Variants in TRPA1 observed in about 807,000 individuals in gnomAD.
TRPA1 encodes ankyrin-like with transmembrane domains 1.
A neutral mutation model predicts 131.3 loss-of-function variants in TRPA1; 129 were observed. The ratio of observed to expected loss-of-function variants is 0.98; its 90% confidence interval spans 0.85 to 1.14. The LOEUF is 1.14. Among genes scored for constraint, TRPA1 ranks in the 50% most tolerant of loss-of-function variants. TRPA1 has a pLI of 0.00. For synonymous variants in TRPA1, 441 were observed against 451.7 expected (o/e 0.98, Z 0.30); for missense variants, 1,304 against 1,354.2 (o/e 0.96, Z 0.58).
chr8:72,057,879 A>G, intron 8 of TRPA1, 63 bp from the exon 9 acceptor site: 1 of 1,194,664 alleles, frequency 8.4e-7, no homozygotes, highest in Non-Finnish European at 1.2e-6. Flanking sequence ...ATATATTGTA[A>G]TCTCTAACTA....
chr8:72,043,275 T>C (rs1812318631), intron 17 of TRPA1, among the ~76,000 whole-genome samples: 1 of 151,800 alleles, frequency 6.6e-6, no homozygotes. Context: ...AACTCAAACG[T>C]AGTTATAGAA....
intron 15 of TRPA1, among the ~76,000 whole-genome samples, chr8:72,050,539 C>T (rs1562054): frequency 0.63 from 95,698 of 152,034 alleles, 30,404 homozygotes; most frequent in Admixed American, 0.74. Context: ...GTCTCTGTTA[C>T]AGGTGTAGAT....
chr8:72,036,425 A>G lies in TRPA1; in HGVS notation c.2418T>C (p.Val806=). 1 of 1,614,042 alleles carries G rather than the reference A, an allele frequency of 6.2e-7. No individual in the cohort carries two copies. The highest frequency in any genetic ancestry group is 8.5e-7 in the Non-Finnish European group (1 of 1,179,962). The change falls in exon 21 of 27, where the codon GTT becomes GTC. Residue 806 remains valine, a synonymous_variant. Transcript: ENST00000262209. Reference sequence around the variant, plus strand: ...CCGTCGTGTAGATAATCCATTCAAGAACATTGCTTATATCCATAAAATAAT... The same window carrying G: ...CCGTCGTGTAGATAATCCATTCAAGGACATTGCTTATATCCATAAAATAAT... ...KRNYFMDISN[V]LEWIIYTTGI...
At chr8:72,084,433 G>C in the TRPA1 span, among the ~76,000 whole-genome samples, 1 of 144,978 alleles carries the variant, frequency 6.9e-6, no homozygotes, top group Non-Finnish European at 1.5e-5. Context: ...ATTTCTTAGA[G>C]ATTTGATTTT....
chr8:72,038,932 C>A lies in TRPA1; in HGVS notation c.2228G>T (p.Gly743Val). The change falls in exon 19 of 27, where the codon GGA becomes GTA. Residue 743 changes from glycine to valine, a missense_variant. Gly to Val is a moderately radical substitution (Grantham distance 109). Coordinates refer to ENST00000262209, the MANE Select transcript of TRPA1 (RefSeq NM_007332.3). ...MTILVVNIKPGMAFNSTGIIN... is the reference protein window; with the variant it reads ...MTILVVNIKPVMAFNSTGIIN... ...GATGCCAGTTGAGTTGAAAGCCATTCCTGGTTTTATATTGACAACGAGAAT... is the reference window on the plus strand; with the variant it reads ...GATGCCAGTTGAGTTGAAAGCCATTACTGGTTTTATATTGACAACGAGAAT... 2 of 1,612,884 alleles carry A rather than the reference C, an allele frequency of 1.2e-6. No individual in the cohort carries two copies. Among genetic ancestry groups the A allele is most frequent in the Non-Finnish European group, 1.7e-6 (2 of 1,179,366 alleles).
rs556410970 is a variant in TRPA1, at chr8:72,037,955, C to A, written c.2385+28G>T. 1.5e-5 allele frequency: 20 copies of A among 1,352,762 alleles called. No homozygotes were observed. The South Asian group carries it at 2.1e-4, about 14-fold the overall frequency. 83.8% of individuals were successfully genotyped at this position (1,352,762 alleles called of 1,614,324 possible). A position where few individuals can be genotyped will look rare whatever the true frequency, so the allele number is the denominator to read the frequency against. ...GTTCTGCATATGAAAATATGTGCAA[C>A]TTTAGAGATACAAAATGTATTACAT... On this transcript the variant is annotated intron_variant, in intron 20 of 26. Coordinates refer to ENST00000262209, the MANE Select transcript of TRPA1 (RefSeq NM_007332.3).
chr8:72,070,478 GA>G (rs946904282), intron 2 of TRPA1, among the ~76,000 whole-genome samples: 3 of 152,098 alleles, frequency 2.0e-5, no homozygotes, highest in African/African-American at 7.2e-5. Context: ...TAAATAACTT[GA>G]ATTTGGCTTT....
chr8:72,046,662 TC>T, intron 16 of TRPA1, 54 bp from the exon 17 acceptor site: 1 of 902,182 alleles, frequency 1.1e-6, no homozygotes. Context: ...AAGTATAGAA[TC>T]CCCAAAGTAA....
At position 72,053,749 on chromosome 8, in the gene TRPA1, A is replaced by G. The variant is rs751040116; in HGVS notation, c.1644+4T>C. On this transcript the variant is annotated splice_donor_region_variant and intron_variant, in intron 13 of 26. Coordinates refer to ENST00000262209, the MANE Select transcript of TRPA1 (RefSeq NM_007332.3). ...TGGGTAAGCATGAGGACCGCAGTAC[A>G]TACCCCGTCTTCATCCAGGCGATCT... 1 of 1,608,070 alleles carries G rather than the reference A, an allele frequency of 6.2e-7. No homozygotes were observed.
intron 13 of TRPA1, chr8:72,053,548 C>T: frequency 1.7e-6 from 1 of 590,068 alleles, no homozygotes; most frequent in Non-Finnish European, 3.1e-6. Context: ...GGAGGTTTCC[C>T]CAACATTCAC....
intron 13 of TRPA1, 200 bp from the exon 14 acceptor site, chr8:72,052,965 C>CTGTGTGTGTGTGTGTGTTTG: frequency 3.1e-6 from 1 of 318,742 alleles, no homozygotes; most frequent in South Asian, 2.6e-5. Context: ...GGAAGTGGAT[C>CTGTGTGTGTGTGTGTGTTTG]TGTGTGTGTG....
Position 72,056,933 on chromosome 8 carries a change from C to T in TRPA1, c.1178G>A (p.Arg393Gln), listed in dbSNP as rs759879377. 17 of 1,607,820 alleles carry T rather than the reference C, an allele frequency of 1.1e-5. No homozygotes were observed. The highest frequency in any genetic ancestry group is 3.3e-5 in the Admixed American group (2 of 59,816). The change falls in exon 10 of 27, where the codon CGA becomes CAA. Residue 393 changes from arginine (R) to glutamine (Q), a missense_variant. Transcript: ENST00000262209. ...VQQPYGLKNLRPEFMQMQQIK... is the reference protein window; with the variant it reads ...VQQPYGLKNLQPEFMQMQQIK... ...ATACATTACCTGCATAAATTCAGGTCGCAGATTTTTTAATCCATAAGGTTG... is the reference window on the plus strand; with the variant it reads ...ATACATTACCTGCATAAATTCAGGTTGCAGATTTTTTAATCCATAAGGTTG...
At chr8:72,049,947 TA>T (rs1805455320) in intron 15 of TRPA1, among the ~76,000 whole-genome samples, 2 of 148,064 alleles carry the variant, frequency 1.4e-5, no homozygotes, top group Admixed American at 6.8e-5. Flanking sequence ...TTTTTTTTTT[TA>T]ATTTTTATTT....
intron 18 of TRPA1, 47 bp downstream of exon 18, chr8:72,039,680 G>T: frequency 8.6e-7 from 1 of 1,167,442 alleles, no homozygotes. Flanking sequence ...CTTTGTAATA[G>T]ATCCAATAGA....
chr8:72,030,676 G>A (rs529501372), intron 23 of TRPA1, among the ~76,000 whole-genome samples: 1 of 152,198 alleles, frequency 6.6e-6, no homozygotes, highest in African/African-American at 2.4e-5. Flanking sequence ...ACAACATGGT[G>A]GGAAACTCCA....
chr8:72,069,464 T>C (rs1471380058), intron 2 of TRPA1, among the ~76,000 whole-genome samples: 2 of 152,224 alleles, frequency 1.3e-5, no homozygotes, highest in African/African-American at 4.8e-5. Context: ...TATTGCTATA[T>C]GTTTTTATCT....
the TRPA1 span, among the ~76,000 whole-genome samples, chr8:72,081,963 A>C: frequency 6.6e-6 from 1 of 151,880 alleles, no homozygotes; most frequent in Admixed American, 6.6e-5. Flanking sequence ...ATATTTACTC[A>C]TTATATCATT....
At chr8:72,037,237 A>G (rs889489844) in intron 20 of TRPA1, among the ~76,000 whole-genome samples, 36 of 152,172 alleles carry the variant, frequency 2.4e-4, no homozygotes, top group Non-Finnish European at 5.0e-4. Flanking sequence ...ATAAATGCAA[A>G]TATCTATGTG....
In TRPA1 at chr8:72,075,389, C is replaced by T. The variant is rs1806153819; in HGVS notation, c.21G>A (p.Lys7=). The T allele has an allele frequency of 1.9e-6, 3 of 1,609,868 alleles. No individual in the cohort carries two copies. The South Asian group carries it at 3.3e-5, about 18-fold the overall frequency. MKRSLR[K]MWRPGEKKEP... ...CCTTCTTTTCTCCAGGGCGCCACAT[C>T]TTCCTCAGGCTGCGCTTCATTGACC... The change falls in exon 1 of 27, where the codon AAG becomes AAA. Residue 7 remains lysine, a synonymous_variant. Coordinates refer to ENST00000262209, the MANE Select transcript of TRPA1 (RefSeq NM_007332.3).
Sources: allele counts gnomAD v4.1 joint callset (sites outside exome capture counted in the v4.1 genomes callset), GRCh38; gene constraint gnomAD v4.1.1; transcripts MANE v1.5; gene names NCBI Gene and HGNC (gene_info 2026-07-23, HGNC 2026-07-21).